Variants in PARG observed in about 807,000 individuals in gnomAD.
The protein encoded by PARG is poly(ADP-ribose) glycohydrolase.
PARG carries 35 observed loss-of-function variants against 113.0 expected under a neutral mutation model. That is an observed-to-expected ratio of 0.31 (90% confidence interval 0.24 to 0.41). PARG has a LOEUF of 0.41. Among genes scored for constraint, PARG ranks in the 10% least tolerant of loss-of-function variants. PARG has a pLI of 1.00. For missense variants in PARG, 797 were observed against 1,169.4 expected, an observed-to-expected ratio of 0.68 and a Z score of 4.64; for synonymous variants, 330 against 409.9, an observed-to-expected ratio of 0.81 and a Z score of 2.36.
chr10:49,862,455 C>T (rs1474945736), intron 11 of PARG, among the ~76,000 whole-genome samples: 1 of 151,890 alleles, frequency 6.6e-6, no homozygotes, highest in African/African-American at 2.4e-5. Flanking sequence ...AGAAAATAGT[C>T]TAGGAGGTTA....
At chr10:49,919,223 G>A (rs1454474470) in intron 6 of PARG, among the ~76,000 whole-genome samples, 8 of 152,144 alleles carry the variant, frequency 5.3e-5, no homozygotes, top group Non-Finnish European at 8.8e-5. Flanking sequence ...TTACAGGCTT[G>A]AGCCACCACA....
chr10:49,881,044 C>T (rs1419728581), intron 8 of PARG, among the ~76,000 whole-genome samples: 1 of 152,196 alleles, frequency 6.6e-6, no homozygotes, highest in African/African-American at 2.4e-5. Context: ...TCTGAAGCTA[C>T]AAGGTTTCAT....
chr10:49,857,120 T>C (rs1302932781), intron 13 of PARG, among the ~76,000 whole-genome samples, 186 bp downstream of exon 13: 1 of 151,308 alleles, frequency 6.6e-6, no homozygotes, highest in Non-Finnish European at 1.5e-5. Context: ...AAAAATAAGA[T>C]GTCTTACTTA....
chr10:49,894,932 G>A (rs1216079206), intron 7 of PARG, among the ~76,000 whole-genome samples: 2 of 152,096 alleles, frequency 1.3e-5, no homozygotes, highest in Non-Finnish European at 2.9e-5. Flanking sequence ...AGCTTCTGGT[G>A]GCTTCTAGCA....
intron 16 of PARG, among the ~76,000 whole-genome samples, chr10:49,827,495 C>G (rs1844417255): frequency 6.6e-6 from 1 of 152,144 alleles, no homozygotes; most frequent in African/African-American, 2.4e-5. Flanking sequence ...GCCAGTAAAG[C>G]CCTTCCTCAT....
chr10:49,850,434 C>T (rs1478368948), intron 13 of PARG, among the ~76,000 whole-genome samples: 8 of 151,876 alleles, frequency 5.3e-5, no homozygotes, highest in African/African-American at 1.7e-4. Flanking sequence ...TTCAAACCCA[C>T]AAAGCCATCA....
chr10:49,891,605 ATATATATATATATATATATTTTT>A lies in PARG; in HGVS notation c.1738-6333_1738-6311del, dbSNP rs1847788916. Among the ~76,000 whole-genome samples the A allele has an allele frequency of 5.1e-5, 2 of 39,116 alleles. 1 individual carries two copies. The highest frequency in any genetic ancestry group is 9.4e-5 in the Non-Finnish European group (2 of 21,276). 25.7% of individuals were successfully genotyped at this position (39,116 alleles called of 152,430 possible). A position where few individuals can be genotyped will look rare whatever the true frequency, so the allele number is the denominator to read the frequency against. ...TCCTATGGTCCATATATATATATATATATATATATATATATATATTTTTTTTTTTTTTTTTTTTTTTTGAGATA... is the reference window on the plus strand; with the variant it reads ...TCCTATGGTCCATATATATATATATATTTTTTTTTTTTTTTTTTTGAGATA... On this transcript the variant is annotated intron_variant, in intron 7 of 17. Coordinates refer to ENST00000616448, the MANE Select transcript of PARG (RefSeq NM_003631.5).
intron 16 of PARG, among the ~76,000 whole-genome samples, chr10:49,828,567 C>G (rs782345433): frequency 6.6e-6 from 1 of 152,202 alleles, no homozygotes; most frequent in Non-Finnish European, 1.5e-5. Context: ...TCCATCTCCC[C>G]CTAGTCCCTT....
At chr10:49,930,848 AATGAG>A (rs1201134426) in intron 4 of PARG, among the ~76,000 whole-genome samples, 1 of 127,026 alleles carries the variant, frequency 7.9e-6, no homozygotes, top group East Asian at 2.1e-4. Context: ...CTGACTAATA[AATGAG>A]ATGAATGTTT....
chr10:49,928,522 C>T (rs572485236), intron 4 of PARG, among the ~76,000 whole-genome samples: 46 of 152,218 alleles, frequency 3.0e-4, no homozygotes, highest in African/African-American at 1.1e-3. Flanking sequence ...TTCAGATTGC[C>T]TTACATTTCT....
intron 13 of PARG, among the ~76,000 whole-genome samples, chr10:49,856,840 T>C (rs1213009250): frequency 6.6e-6 from 1 of 151,644 alleles, no homozygotes; most frequent in Non-Finnish European, 1.5e-5. Flanking sequence ...AGAAACCCTG[T>C]CTCTACTAAA....
Position 49,860,061 on chromosome 10 carries a change from T to C in PARG, c.2205+1527A>G, listed in dbSNP as rs1588908849. ...GTTGTTGTTGCCATTCAGCATCATGTAATTTATATGCTACACAAGGAGCTC... is the reference window on the plus strand; with the variant it reads ...GTTGTTGTTGCCATTCAGCATCATGCAATTTATATGCTACACAAGGAGCTC... On this transcript the variant is annotated intron_variant, in intron 12 of 17. Transcript: ENST00000616448. 3.3e-5 allele frequency among the ~76,000 whole-genome samples: 5 copies of C among 152,218 alleles called. No individual in the cohort carries two copies. In the South Asian group the frequency reaches 1.0e-3, roughly 31 times the overall value.
At chr10:49,940,625 C>G (rs1838991637) in intron 1 of PARG, among the ~76,000 whole-genome samples, 1 of 152,208 alleles carries the variant, frequency 6.6e-6, no homozygotes, top group South Asian at 2.1e-4. Context: ...GCCAGCGATT[C>G]TCCTGCCTCA....
At chr10:49,937,198 C>T (rs1338722442) in intron 1 of PARG, among the ~76,000 whole-genome samples, 5 of 152,108 alleles carry the variant, frequency 3.3e-5, no homozygotes, top group Admixed American at 2.6e-4. Context: ...CAAATTGGGC[C>T]GGGCGCAGTG....
intron 4 of PARG, among the ~76,000 whole-genome samples, chr10:49,927,206 C>G (rs1481790059): frequency 6.6e-6 from 1 of 151,864 alleles, no homozygotes; most frequent in Non-Finnish European, 1.5e-5. Flanking sequence ...ACTTAGGAGG[C>G]TGAGGCAGGC....
chr10:49,926,174 G>C (rs1838154530), intron 4 of PARG, among the ~76,000 whole-genome samples: 1 of 152,224 alleles, frequency 6.6e-6, no homozygotes, highest in African/African-American at 2.4e-5. Flanking sequence ...GCTTGGTACT[G>C]TGACGTGCCT....
chr10:49,912,301 A>G (rs1554846487), intron 7 of PARG, among the ~76,000 whole-genome samples: 2 of 152,174 alleles, frequency 1.3e-5, no homozygotes, highest in Admixed American at 1.3e-4. Context: ...TACTGTCTCA[A>G]AACAACAAAA....
rs182545856 is a variant in PARG at position 49,911,103 on chromosome 10, T to C, written c.1737+4814A>G. 7.9e-3 allele frequency among the ~76,000 whole-genome samples: 1,202 copies of C among 152,086 alleles called. 8 individuals are homozygous for C. The highest frequency in any genetic ancestry group is 0.015 in the Admixed American group (230 of 15,268). On this transcript the variant is annotated intron_variant, in intron 7 of 17. Transcript: ENST00000616448. Reference sequence around the variant, plus strand: ...TTCGAGACCAGCCTGACCAAGATGGTGAAACCCTGTCTCTACTAAAAATAC... The same window carrying C: ...TTCGAGACCAGCCTGACCAAGATGGCGAAACCCTGTCTCTACTAAAAATAC...
intron 15 of PARG, 128 bp from the exon 16 acceptor site, chr10:49,833,036 G>A: frequency 4.0e-6 from 2 of 494,682 alleles, no homozygotes; most frequent in Admixed American, 3.9e-5. Context: ...TTCCATAGGG[G>A]CCAAAATAGA....
Sources: gnomAD v4.1 joint callset for allele counts (sites outside exome capture counted in the v4.1 genomes callset) on GRCh38, gnomAD v4.1.1 for gene constraint, MANE v1.5 for transcripts, NCBI Gene and HGNC (gene_info 2026-07-23, HGNC 2026-07-21) for gene names.